The following SCN11A variants were observed in gnomAD, a reference collection of about 807,000 sequenced individuals.
The protein encoded by SCN11A is sodium channel protein type 11 subunit alpha.
In SCN11A, 122 loss-of-function variants were observed where a neutral mutation model predicts 162.2. The observed-to-expected ratio is 0.75, with a 90% confidence interval of 0.65 to 0.87. The LOEUF (loss-of-function observed/expected upper bound fraction) is 0.87, where lower values mean the gene tolerates loss of function less well. SCN11A is among the 40% of genes least tolerant of loss of function. The pLI, the probability that SCN11A is intolerant of heterozygous loss-of-function variation, is 0.00. For synonymous variants in SCN11A, 758 were observed against 751.5 expected, an observed-to-expected ratio of 1.01 and a Z score of -0.14; for missense variants, 2,015 against 2,181.6, an observed-to-expected ratio of 0.92 and a Z score of 1.52.
chr3:38,928,684 T>C (rs1373354601), intron 7 of SCN11A, among the ~76,000 whole-genome samples: 2 of 152,202 alleles, frequency 1.3e-5, no homozygotes, highest in Non-Finnish European at 2.9e-5. Flanking sequence ...TATGAAAAGA[T>C]GCTCAACATC....
At chr3:38,992,511 CA>C (rs1361713362) in intron 2 of SCN11A, among the ~76,000 whole-genome samples, 1 of 152,238 alleles carries the variant, frequency 6.6e-6, no homozygotes, top group African/African-American at 2.4e-5. Context: ...CCCGCCTTGA[CA>C]GTCAACTTCC....
At chr3:38,905,361 C>T in intron 14 of SCN11A, 40 bp from the exon 15 acceptor site, 1 of 1,592,298 alleles carries the variant, frequency 6.3e-7, no homozygotes, top group Non-Finnish European at 8.6e-7. Flanking sequence ...AAGACAGGGG[C>T]TGCCTCTCCT....
intron 28 of SCN11A, among the ~76,000 whole-genome samples, chr3:38,854,349 T>C (rs1395390429): frequency 5.3e-5 from 8 of 152,186 alleles, no homozygotes; most frequent in Admixed American, 2.0e-4. Context: ...AAGTTTATCA[T>C]AAATACTTGT....
intron 7 of SCN11A, among the ~76,000 whole-genome samples, chr3:38,934,553 A>G (rs1195269505): frequency 2.0e-5 from 3 of 152,122 alleles, no homozygotes; most frequent in Non-Finnish European, 2.9e-5. Flanking sequence ...CAAATGGAAA[A>G]CAAAAAAAGG....
At chr3:39,044,451 A>C (rs1355295064) in intron 1 of SCN11A, among the ~76,000 whole-genome samples, 1 of 152,206 alleles carries the variant, frequency 6.6e-6, no homozygotes, top group African/African-American at 2.4e-5. Context: ...CATTTTTTAA[A>C]ATCAAAACCA....
chr3:38,922,481 AG>A (rs1476907809), intron 9 of SCN11A, among the ~76,000 whole-genome samples: 1 of 152,352 alleles, frequency 6.6e-6, no homozygotes, highest in African/African-American at 2.4e-5. Flanking sequence ...AAAAGCATCC[AG>A]GCATCTCAGT....
At chr3:38,938,051 T>TA (rs2066365087) in intron 7 of SCN11A, among the ~76,000 whole-genome samples, 1 of 152,122 alleles carries the variant, frequency 6.6e-6, no homozygotes, top group African/African-American at 2.4e-5. Flanking sequence ...GATGCAGCCA[T>TA]AAAAAATGAT....
intron 14 of SCN11A, 48 bp downstream of exon 14, chr3:38,907,900 TC>T (rs2065825039): frequency 2.0e-6 from 3 of 1,478,084 alleles, no homozygotes; most frequent in Non-Finnish European, 2.7e-6. Context: ...ATTGGACCTG[TC>T]CCCCTGGACA....
At chr3:38,926,622 T>G (rs529711593) in intron 8 of SCN11A, among the ~76,000 whole-genome samples, 181 bp downstream of exon 8, 7 of 152,184 alleles carry the variant, frequency 4.6e-5, no homozygotes, top group Non-Finnish European at 8.8e-5. Context: ...GCTTTGTGTG[T>G]GGGGGCCTCT....
At chr3:38,848,954 T>C (rs7639484) in intron 29 of SCN11A, among the ~76,000 whole-genome samples, 37,931 of 152,126 alleles carry the variant, frequency 0.25, 4,887 homozygotes, top group African/African-American at 0.3. Flanking sequence ...CAAAGGCATA[T>C]AAAACTCTGT....
chr3:38,927,788 G>A (rs1229161050), intron 7 of SCN11A, among the ~76,000 whole-genome samples: 2 of 152,134 alleles, frequency 1.3e-5, no homozygotes, highest in African/African-American at 2.4e-5. Context: ...TCACTATTAC[G>A]AGAATAGCAT....
At chr3:38,928,727 CAA>C (rs1207105145) in intron 7 of SCN11A, among the ~76,000 whole-genome samples, 2 of 152,030 alleles carry the variant, frequency 1.3e-5, no homozygotes, top group African/African-American at 2.4e-5. Flanking sequence ...ACCAAAACCA[CAA>C]AGAGATGACC....
chr3:38,919,439 A>T (rs954259139), intron 11 of SCN11A, among the ~76,000 whole-genome samples: 3 of 152,226 alleles, frequency 2.0e-5, no homozygotes, highest in African/African-American at 4.8e-5. Flanking sequence ...AACCTGAAGG[A>T]AAAAAGAGTT....
At position 38,850,593 on chromosome 3, in the gene SCN11A, A is replaced by G; in HGVS notation, c.4215T>C (p.Phe1405=). Residue 1405 remains phenylalanine (F), a synonymous_variant, in exon 29 of 30, where the codon TTT becomes TTC. Transcript: ENST00000302328. ...GACATTCTAACGTAAAGATGACCAC[A>G]AAGACCCAGTTGAGATGGTCAAGGA... ...KSILDHLNWV[F]VVIFTLECLI... 1.2e-6 allele frequency: 2 copies of G among 1,614,054 alleles called. No individual in the cohort carries two copies. Among genetic ancestry groups the G allele is most frequent in the Non-Finnish European group, 1.7e-6 (2 of 1,179,920 alleles).
chr3:38,967,607 A>C (rs940965236), intron 2 of SCN11A, among the ~76,000 whole-genome samples: 5 of 152,232 alleles, frequency 3.3e-5, no homozygotes, highest in African/African-American at 1.2e-4. Context: ...AGAAAAGCCA[A>C]GTGAAGCAAG....
chr3:38,940,913 G>T (rs1322507328), intron 7 of SCN11A, among the ~76,000 whole-genome samples: 1 of 152,154 alleles, frequency 6.6e-6, no homozygotes, highest in Non-Finnish European at 1.5e-5. Context: ...CCCTCCCACA[G>T]ATAATGAGTA....
chr3:39,009,791 C>T (rs1485072395), intron 2 of SCN11A, among the ~76,000 whole-genome samples: 1 of 150,710 alleles, frequency 6.6e-6, no homozygotes, highest in Non-Finnish European at 1.5e-5. Flanking sequence ...ATCCTCCCAC[C>T]TCAGTCTCCT....
intron 2 of SCN11A, among the ~76,000 whole-genome samples, chr3:38,997,391 C>T (rs1353104206): frequency 6.6e-6 from 1 of 152,244 alleles, no homozygotes; most frequent in Non-Finnish European, 1.5e-5. Context: ...GCTCCCTCAT[C>T]TCCTTTAAGT....
chr3:38,943,751 G>A (rs1003595946), intron 7 of SCN11A, among the ~76,000 whole-genome samples: 3 of 151,632 alleles, frequency 2.0e-5, no homozygotes, highest in Non-Finnish European at 4.4e-5. Context: ...TCATATATGG[G>A]AACTGAAAAA....
Sources: gnomAD v4.1 joint callset for allele counts (sites outside exome capture counted in the v4.1 genomes callset) on GRCh38, gnomAD v4.1.1 for gene constraint, MANE v1.5 for transcripts, NCBI Gene and HGNC (gene_info 2026-07-23, HGNC 2026-07-21) for gene names.